Variants in CSMD1 observed in about 807,000 individuals in gnomAD.
CSMD1 encodes the protein CUB and sushi domain-containing protein 1.
CSMD1 carries 213 observed loss-of-function variants against 417.5 expected under a neutral mutation model. That is an observed-to-expected ratio of 0.51 (90% CI 0.46 to 0.57). The LOEUF (loss-of-function observed/expected upper bound fraction) is 0.57. CSMD1 is among the 20% of genes least tolerant of loss of function. The pLI, the probability that CSMD1 is intolerant of heterozygous loss-of-function variation, is 0.00. For synonymous variants in CSMD1, 2,862 were observed against 1,736.8 expected, an observed-to-expected ratio of 1.65 and a Z score of -16.11; for missense variants, 6,923 against 4,529.7, an observed-to-expected ratio of 1.53 and a Z score of -15.17.
intron 49 of CSMD1, among the ~76,000 whole-genome samples, chr8:3,072,920 G>C (rs1813413507): frequency 6.6e-6 from 1 of 152,084 alleles, no homozygotes; most frequent in Admixed American, 6.5e-5. Context: ...GCCTTCAAGT[G>C]TCAGATAATA....
At chr8:3,897,621 A>G (rs1350350179) in intron 5 of CSMD1, among the ~76,000 whole-genome samples, 3 of 152,282 alleles carry the variant, frequency 2.0e-5, no homozygotes, top group East Asian at 3.9e-4. Flanking sequence ...CTGCAACTCA[A>G]AATGGACTGC....
intron 3 of CSMD1, among the ~76,000 whole-genome samples, chr8:4,271,823 C>T (rs938645346): frequency 6.6e-6 from 1 of 152,146 alleles, no homozygotes; most frequent in African/African-American, 2.4e-5. Context: ...CATGTGATTA[C>T]TTGGTCCTGG....
intron 3 of CSMD1, among the ~76,000 whole-genome samples, chr8:4,067,826 C>G (rs1325751472): frequency 6.6e-6 from 1 of 151,900 alleles, no homozygotes; most frequent in East Asian, 1.9e-4. Flanking sequence ...TGTCTGTGAT[C>G]CCAACACTTT....
intron 5 of CSMD1, among the ~76,000 whole-genome samples, chr8:3,838,068 T>A (rs376174078): frequency 6.6e-6 from 1 of 152,092 alleles, no homozygotes; most frequent in Non-Finnish European, 1.5e-5. Flanking sequence ...GAAACGGTTG[T>A]AGGGCTTTGG....
At chr8:4,909,934 C>T (rs1805552080) in intron 1 of CSMD1, among the ~76,000 whole-genome samples, 1 of 152,158 alleles carries the variant, frequency 6.6e-6, no homozygotes, top group African/African-American at 2.4e-5. Context: ...CTTTACACGA[C>T]TAGCTGAAAC....
At chr8:4,879,966 C>G (rs981555803) in intron 1 of CSMD1, among the ~76,000 whole-genome samples, 3 of 152,016 alleles carry the variant, frequency 2.0e-5, no homozygotes, top group Admixed American at 6.6e-5. Context: ...AGGTTCATTC[C>G]CTTTGTTGTA....
At chr8:4,884,591 G>T (rs1353382003) in intron 1 of CSMD1, among the ~76,000 whole-genome samples, 1 of 151,916 alleles carries the variant, frequency 6.6e-6, no homozygotes, top group Admixed American at 6.6e-5. Context: ...CTTTGCATTT[G>T]AATATCTAGT....
intron 50 of CSMD1, among the ~76,000 whole-genome samples, chr8:3,043,266 T>A (rs114989120): frequency 3.4e-5 from 5 of 148,586 alleles, no homozygotes; most frequent in East Asian, 3.9e-4. Context: ...TATAGTACTA[T>A]AGCGAATATA....
At chr8:4,041,493 T>C (rs796989007) in intron 3 of CSMD1, among the ~76,000 whole-genome samples, 1 of 152,134 alleles carries the variant, frequency 6.6e-6, no homozygotes. Context: ...GTTCCACAAA[T>C]AGTCAACCAA....
At chr8:4,030,716 C>G (rs1458639887) in intron 4 of CSMD1, among the ~76,000 whole-genome samples, 2 of 152,180 alleles carry the variant, frequency 1.3e-5, no homozygotes, top group South Asian at 2.1e-4. Context: ...GCTTGATTTT[C>G]TCCTTGGAAA....
chr8:3,229,784 T>C (rs1176526085), intron 27 of CSMD1, among the ~76,000 whole-genome samples: 2 of 152,202 alleles, frequency 1.3e-5, no homozygotes, highest in African/African-American at 2.4e-5. Flanking sequence ...TCCATGTTTA[T>C]GTAACATTTG....
intron 21 of CSMD1, 106 bp downstream of exon 21, chr8:3,359,046 C>T: frequency 9.6e-7 from 1 of 1,042,970 alleles, no homozygotes; most frequent in Non-Finnish European, 1.4e-6. Flanking sequence ...TCACCCTCTC[C>T]TTCCTTGTCA....
intron 5 of CSMD1, among the ~76,000 whole-genome samples, chr8:3,875,584 G>C (rs926662497): frequency 6.6e-6 from 1 of 152,140 alleles, no homozygotes; most frequent in Non-Finnish European, 1.5e-5. Context: ...TTATTGGAGA[G>C]GAGTCCCATT....
intron 3 of CSMD1, among the ~76,000 whole-genome samples, chr8:4,290,141 G>A (rs1034513428): frequency 6.6e-6 from 1 of 152,182 alleles, no homozygotes; most frequent in South Asian, 2.1e-4. Context: ...GCAGGGAGTG[G>A]TGAGGAAATG....
At chr8:3,905,914 G>C (rs745903032) in intron 5 of CSMD1, among the ~76,000 whole-genome samples, 77 of 152,126 alleles carry the variant, frequency 5.1e-4, no homozygotes, top group Middle Eastern at 3.2e-3. Context: ...CTTTGCAATG[G>C]GCCAATTTAT....
intron 3 of CSMD1, among the ~76,000 whole-genome samples, chr8:4,070,093 A>C (rs571811221): frequency 4.6e-5 from 7 of 152,226 alleles, no homozygotes; most frequent in East Asian, 1.9e-4. Flanking sequence ...GGAATTAAAG[A>C]AACACCCAAG....
chr8:3,982,308 A>C (rs1813945674), intron 5 of CSMD1, among the ~76,000 whole-genome samples: 1 of 151,814 alleles, frequency 6.6e-6, no homozygotes, highest in South Asian at 2.1e-4. Flanking sequence ...GATACAGCAT[A>C]AATTACACAA....
intron 2 of CSMD1, among the ~76,000 whole-genome samples, chr8:4,455,920 C>G (rs1428110859): frequency 5.4e-5 from 2 of 36,858 alleles, no homozygotes; most frequent in Non-Finnish European, 1.0e-4. Context: ...CAAAGTGAGA[C>G]TCCAACTCCA....
At chr8:4,219,618 T>C (rs1800902630) in intron 3 of CSMD1, among the ~76,000 whole-genome samples, 1 of 152,138 alleles carries the variant, frequency 6.6e-6, no homozygotes, top group South Asian at 2.1e-4. Flanking sequence ...CAAAAAACAC[T>C]ATATCACTTT....
Sources: allele counts gnomAD v4.1 joint callset (sites outside exome capture counted in the v4.1 genomes callset), GRCh38; gene constraint gnomAD v4.1.1; transcripts MANE v1.5; gene names NCBI Gene and HGNC (gene_info 2026-07-23, HGNC 2026-07-21).